Variants in RNGTT observed in about 807,000 individuals in gnomAD.
RNGTT encodes the protein RNA guanylyltransferase and 5'-phosphatase, also known as mRNA-capping enzyme.
A neutral mutation model predicts 79.3 loss-of-function variants in RNGTT; 33 were observed. The ratio of observed to expected loss-of-function variants is 0.42; its 90% CI spans 0.32 to 0.56. The LOEUF (loss-of-function observed/expected upper bound fraction) is 0.56, where lower values mean the gene tolerates loss of function less well. RNGTT is among the 20% of genes least tolerant of loss of function. RNGTT has a pLI of 0.17. For missense variants in RNGTT, 497 were observed against 739.1 expected, an observed-to-expected ratio of 0.67 and a Z score of 3.80; for synonymous variants, 222 against 235.9, an observed-to-expected ratio of 0.94 and a Z score of 0.54.
At chr6:88,631,368 T>C (rs1233212229) in intron 14 of RNGTT, among the ~76,000 whole-genome samples, 1 of 152,234 alleles carries the variant, frequency 6.6e-6, no homozygotes, top group Non-Finnish European at 1.5e-5. Flanking sequence ...AGGTAGTCTT[T>C]ACACCAAAGG....
intron 1 of RNGTT, among the ~76,000 whole-genome samples, chr6:88,943,301 G>A (rs1234701311): frequency 2.0e-5 from 3 of 152,070 alleles, no homozygotes; most frequent in African/African-American, 7.2e-5. Context: ...TCAGCAAATA[G>A]TAACATCATT....
intron 11 of RNGTT, among the ~76,000 whole-genome samples, chr6:88,806,301 C>T (rs1181909653): frequency 2.0e-5 from 3 of 149,400 alleles, no homozygotes; most frequent in Non-Finnish European, 4.4e-5. Flanking sequence ...GCAACGTTGT[C>T]GAGAAAAAGG....
At chr6:88,796,657 T>C (rs1582470931) in intron 12 of RNGTT, among the ~76,000 whole-genome samples, 1 of 151,996 alleles carries the variant, frequency 6.6e-6, no homozygotes, top group Admixed American at 6.6e-5. Context: ...GCTATAGCCA[T>C]AAAAAATACA....
intron 11 of RNGTT, among the ~76,000 whole-genome samples, chr6:88,814,206 A>G (rs1013459799): frequency 5.9e-5 from 9 of 152,218 alleles, no homozygotes; most frequent in Non-Finnish European, 1.0e-4. Context: ...TCATAAGTTA[A>G]TAACTTCCTA....
chr6:88,857,241 G>A (rs1373474336), intron 8 of RNGTT, among the ~76,000 whole-genome samples: 1 of 152,098 alleles, frequency 6.6e-6, no homozygotes, highest in African/African-American at 2.4e-5. Context: ...GAAAACAATG[G>A]TAACTAATAC....
At chr6:88,932,067 G>A (rs977112608) in intron 2 of RNGTT, among the ~76,000 whole-genome samples, 6 of 152,236 alleles carry the variant, frequency 3.9e-5, no homozygotes, top group East Asian at 1.9e-4. Context: ...CCAAAAACAG[G>A]TAAGAGAAAT....
chr6:88,615,820 T>C (rs932003958), intron 14 of RNGTT, among the ~76,000 whole-genome samples: 2 of 152,218 alleles, frequency 1.3e-5, no homozygotes, highest in Admixed American at 6.5e-5. Flanking sequence ...TCAGTAAAAT[T>C]GTTAACCAAA....
intron 14 of RNGTT, among the ~76,000 whole-genome samples, chr6:88,642,099 G>C (rs970404761): frequency 1.3e-5 from 2 of 152,130 alleles, no homozygotes; most frequent in Non-Finnish European, 2.9e-5. Context: ...CTTTCTCCAG[G>C]AGGGTGTAGA....
chr6:88,755,685 G>A lies in RNGTT; in HGVS notation c.1439+14089C>T, dbSNP rs116762232. On this transcript the variant is annotated intron_variant, in intron 13 of 15. Transcript: ENST00000369485. ...AGGATGAAAAGAACATCTTGAGGCT[G>A]GGCATAGTGGATCACACCTGTAATC... is the stretch of plus-strand genomic sequence containing the variant. Among the ~76,000 whole-genome samples the A allele has an allele frequency of 5.5e-3, 836 of 152,116 alleles. 8 individuals are homozygous for A. Among genetic ancestry groups the A allele is most frequent in the African/African-American group, 0.017 (725 of 41,510 alleles).
intron 10 of RNGTT, among the ~76,000 whole-genome samples, chr6:88,849,087 C>T (rs1431779316): frequency 1.3e-5 from 2 of 151,868 alleles, no homozygotes; most frequent in East Asian, 1.9e-4. Flanking sequence ...AAAGCCACCC[C>T]GCCACCCCTT....
At chr6:88,711,687 T>A (rs1776324737) in intron 13 of RNGTT, among the ~76,000 whole-genome samples, 1 of 152,174 alleles carries the variant, frequency 6.6e-6, no homozygotes, top group Admixed American at 6.5e-5. Flanking sequence ...AGTTTAAGAA[T>A]TTTTAGTAAC....
chr6:88,683,745 TG>T (rs1775174197), intron 13 of RNGTT, among the ~76,000 whole-genome samples: 1 of 152,210 alleles, frequency 6.6e-6, no homozygotes, highest in Non-Finnish European at 1.5e-5. Context: ...CTTGGCATGG[TG>T]GCTCATGCCT....
At chr6:88,884,109 T>C (rs1381504180) in intron 8 of RNGTT, among the ~76,000 whole-genome samples, 1 of 152,198 alleles carries the variant, frequency 6.6e-6, no homozygotes, top group African/African-American at 2.4e-5. Flanking sequence ...AAACTTCATA[T>C]ACACCCAGCC....
chr6:88,644,824 A>T (rs1773476201), intron 14 of RNGTT, among the ~76,000 whole-genome samples: 1 of 152,250 alleles, frequency 6.6e-6, no homozygotes, highest in Non-Finnish European at 1.5e-5. Context: ...AAAAATTCTC[A>T]ATAAATTAGC....
At chr6:88,736,013 C>A (rs1777272652) in intron 13 of RNGTT, among the ~76,000 whole-genome samples, 1 of 152,026 alleles carries the variant, frequency 6.6e-6, no homozygotes, top group Admixed American at 6.6e-5. Flanking sequence ...CTATTAATCA[C>A]ATGGATATTA....
chr6:88,852,755 G>A (rs1383304633), intron 9 of RNGTT, among the ~76,000 whole-genome samples: 1 of 152,140 alleles, frequency 6.6e-6, no homozygotes, highest in Non-Finnish European at 1.5e-5. Flanking sequence ...GTACGGACAT[G>A]TAGGCCCCTG....
chr6:88,653,921 T>G (rs1773885269), intron 14 of RNGTT, among the ~76,000 whole-genome samples: 1 of 152,222 alleles, frequency 6.6e-6, no homozygotes, highest in African/African-American at 2.4e-5. Flanking sequence ...ATATTGAGAT[T>G]GAAACGTGTG....
At chr6:88,667,774 C>A (rs1252774074) in intron 14 of RNGTT, among the ~76,000 whole-genome samples, 3 of 152,164 alleles carry the variant, frequency 2.0e-5, no homozygotes, top group Non-Finnish European at 2.9e-5. Flanking sequence ...TGCCAACTAC[C>A]AACCTTGGAG....
intron 13 of RNGTT, among the ~76,000 whole-genome samples, chr6:88,758,713 G>C (rs377356788): frequency 6.6e-6 from 1 of 152,242 alleles, no homozygotes; most frequent in East Asian, 1.9e-4. Flanking sequence ...AAGCTAGTAA[G>C]GGGTTGTCCA....
Sources: gnomAD v4.1 joint callset for allele counts (sites outside exome capture counted in the v4.1 genomes callset) on GRCh38, gnomAD v4.1.1 for gene constraint, MANE v1.5 for transcripts, NCBI Gene and HGNC (gene_info 2026-07-23, HGNC 2026-07-21) for gene names.